Variants in CNTNAP2 observed in about 807,000 individuals in gnomAD.
The protein encoded by CNTNAP2 is contactin associated protein 2.
A neutral mutation model predicts 155.2 loss-of-function variants in CNTNAP2; 98 were observed. That is an observed-to-expected ratio of 0.63 (90% CI 0.54 to 0.75). The LOEUF (loss-of-function observed/expected upper bound fraction) is 0.75. Ranked by LOEUF, CNTNAP2 falls within the 30% of genes least tolerant of loss-of-function variation. The pLI, the probability that CNTNAP2 is intolerant of heterozygous loss-of-function variation, is 0.00. For synonymous variants in CNTNAP2, 651 were observed against 631.2 expected, an observed-to-expected ratio of 1.03 and a Z score of -0.47; for missense variants, 1,727 against 1,688.1, an observed-to-expected ratio of 1.02 and a Z score of -0.40.
At chr7:148,100,016 C>T (rs1184703179) in intron 15 of CNTNAP2, among the ~76,000 whole-genome samples, 1 of 151,866 alleles carries the variant, frequency 6.6e-6, no homozygotes, top group Non-Finnish European at 1.5e-5. Context: ...GGATTACAGA[C>T]ATATGCCACC....
chr7:147,573,787 A>T (rs568964154), intron 12 of CNTNAP2, among the ~76,000 whole-genome samples: 1 of 152,164 alleles, frequency 6.6e-6, no homozygotes, highest in Non-Finnish European at 1.5e-5. Context: ...TTATCCAAGA[A>T]TGTCTTCATC....
At chr7:147,248,080 G>A (rs955577809) in intron 8 of CNTNAP2, among the ~76,000 whole-genome samples, 1 of 151,596 alleles carries the variant, frequency 6.6e-6, no homozygotes, top group African/African-American at 2.4e-5. Context: ...GGTAGAAATA[G>A]GCAAATACCA....
intron 15 of CNTNAP2, among the ~76,000 whole-genome samples, chr7:147,978,582 G>A (rs541230051): frequency 6.6e-6 from 1 of 152,188 alleles, no homozygotes; most frequent in South Asian, 2.1e-4. Flanking sequence ...GGGAGGTAAG[G>A]GAGTTGGAGT....
chr7:147,352,879 C>T lies in CNTNAP2; in HGVS notation c.1499-42730C>T, dbSNP rs180990878. Among the ~76,000 whole-genome samples, 373 of 151,784 alleles carry T rather than the reference C, an allele frequency of 2.5e-3. 2 individuals carry two copies. The highest frequency in any genetic ancestry group is 0.017 in the Middle Eastern group (5 of 294). On this transcript the variant is annotated intron_variant, in intron 9 of 23. Transcript: ENST00000361727. ...GCAGTTCACTATGCACAGCTTGATA[C>T]GATAGATGAAAATATTAGTTTATGA...
intron 1 of CNTNAP2, among the ~76,000 whole-genome samples, chr7:146,244,440 G>A (rs566283374): frequency 1.3e-5 from 2 of 152,230 alleles, no homozygotes; most frequent in South Asian, 4.2e-4. Context: ...TGAGACTGGG[G>A]CCTAATAAAA....
chr7:148,220,711 T>A (rs1415800994), intron 19 of CNTNAP2, among the ~76,000 whole-genome samples: 2 of 151,918 alleles, frequency 1.3e-5, no homozygotes, highest in South Asian at 4.1e-4. Context: ...TGAGCAGTAC[T>A]TTTGTATGCA....
chr7:146,725,737 A>T (rs1194966344), intron 1 of CNTNAP2, among the ~76,000 whole-genome samples: 1 of 151,756 alleles, frequency 6.6e-6, no homozygotes, highest in Non-Finnish European at 1.5e-5. Flanking sequence ...CACTCCAGTG[A>T]CCCCACCCCG....
intron 11 of CNTNAP2, among the ~76,000 whole-genome samples, chr7:147,493,445 G>T (rs1348492015): frequency 6.6e-6 from 1 of 152,036 alleles, no homozygotes; most frequent in Non-Finnish European, 1.5e-5. Flanking sequence ...GTGACTATGG[G>T]ATCCAACTGC....
At chr7:147,216,017 A>G (rs1470589603) in intron 8 of CNTNAP2, among the ~76,000 whole-genome samples, 1 of 151,930 alleles carries the variant, frequency 6.6e-6, no homozygotes, top group Non-Finnish European at 1.5e-5. Flanking sequence ...GTTTTGGTCC[A>G]TTTTAGTTAA....
Position 147,313,137 on chromosome 7 carries a change from A to G in CNTNAP2, c.1498+12847A>G, listed in dbSNP as rs373057618. On this transcript the variant is annotated intron_variant, in intron 9 of 23. Coordinates refer to ENST00000361727, the MANE Select transcript of CNTNAP2 (RefSeq NM_014141.6). ...TGTTTTTTTCTTGTAAATTTGTTTGAGTTCATTGTAGATTCTGGATTTTAG... is the reference window on the plus strand; with the variant it reads ...TGTTTTTTTCTTGTAAATTTGTTTGGGTTCATTGTAGATTCTGGATTTTAG... Among the ~76,000 whole-genome samples, 13 of 146,322 alleles carry G rather than the reference A, an allele frequency of 8.9e-5. No individual in the cohort carries two copies. In the East Asian group the frequency reaches 1.8e-3, roughly 20 times the overall value.
chr7:146,304,595 G>T lies in CNTNAP2; in HGVS notation c.97+187622G>T, dbSNP rs181269504. ...TTTTCTTTAAGAATGTTGAATATTGGCCCCCACTCTCTGCTGGCTTGTAGA... is the reference window on the plus strand; with the variant it reads ...TTTTCTTTAAGAATGTTGAATATTGTCCCCCACTCTCTGCTGGCTTGTAGA... On this transcript the variant is annotated intron_variant, in intron 1 of 23. Transcript: ENST00000361727. 2.9e-3 allele frequency among the ~76,000 whole-genome samples: 445 copies of T among 152,122 alleles called. 4 individuals carry two copies. The highest frequency in any genetic ancestry group is 0.01 in the African/African-American group (422 of 41,502).
intron 12 of CNTNAP2, among the ~76,000 whole-genome samples, chr7:147,577,068 A>G (rs909614361): frequency 6.6e-6 from 1 of 152,184 alleles, no homozygotes; most frequent in East Asian, 1.9e-4. Context: ...CTATGTCAAC[A>G]TAAAGCAGTC....
rs73741413 is a variant in CNTNAP2 at position 147,583,531 on chromosome 7, T to A, written c.1897+21274T>A. On this transcript the variant is annotated intron_variant, in intron 12 of 23. Coordinates refer to ENST00000361727, the MANE Select transcript of CNTNAP2 (RefSeq NM_014141.6). ...ATATATATATATATATATATATATATAATGTCAAACAGATTAAAATTAGTT... is the reference window on the plus strand; with the variant it reads ...ATATATATATATATATATATATATAAAATGTCAAACAGATTAAAATTAGTT... Among the ~76,000 whole-genome samples, 1,050 of 140,560 alleles carry A rather than the reference T, an allele frequency of 7.5e-3. 14 individuals carry two copies. The highest frequency in any genetic ancestry group is 0.027 in the African/African-American group (1,004 of 37,834). 92.2% of individuals were successfully genotyped at this position (140,560 alleles called of 152,430 possible).
At chr7:146,431,527 A>G (rs1428166715) in intron 1 of CNTNAP2, among the ~76,000 whole-genome samples, 1 of 152,072 alleles carries the variant, frequency 6.6e-6, no homozygotes, top group Non-Finnish European at 1.5e-5. Flanking sequence ...TGCAATATTT[A>G]TAGCCAACCT....
intron 18 of CNTNAP2, among the ~76,000 whole-genome samples, chr7:148,173,040 G>C (rs1763362390): frequency 6.6e-6 from 1 of 152,186 alleles, no homozygotes; most frequent in South Asian, 2.1e-4. Context: ...CAGAAATGCT[G>C]AAAAACCACA....
chr7:147,222,512 G>C (rs1239737133), intron 8 of CNTNAP2, among the ~76,000 whole-genome samples: 2 of 152,006 alleles, frequency 1.3e-5, no homozygotes, highest in Non-Finnish European at 2.9e-5. Context: ...AGAGCCCTTA[G>C]CATATTATCA....
intron 11 of CNTNAP2, among the ~76,000 whole-genome samples, chr7:147,506,295 G>A (rs1394747698): frequency 2.6e-5 from 4 of 152,126 alleles, no homozygotes; most frequent in African/African-American, 9.7e-5. Context: ...TGCTCTTGTT[G>A]CTCAGGTTAC....
intron 1 of CNTNAP2, among the ~76,000 whole-genome samples, chr7:146,148,109 G>A (rs1797981894): frequency 6.6e-6 from 1 of 152,060 alleles, no homozygotes; most frequent in Non-Finnish European, 1.5e-5. Flanking sequence ...TACTTCTATA[G>A]TGCTCACCTT....
chr7:147,601,786 C>T (rs540257112), intron 12 of CNTNAP2, among the ~76,000 whole-genome samples: 3 of 151,458 alleles, frequency 2.0e-5, no homozygotes, highest in African/African-American at 7.2e-5. Flanking sequence ...TATGTACAAT[C>T]GGATTGAATT....
Sources: allele counts gnomAD v4.1 joint callset (sites outside exome capture counted in the v4.1 genomes callset), GRCh38; gene constraint gnomAD v4.1.1; transcripts MANE v1.5; gene names NCBI Gene and HGNC (gene_info 2026-07-23, HGNC 2026-07-21).